DMD: variants seen among roughly 807,000 people sequenced by gnomAD.
The protein encoded by DMD is dystrophin.
DMD carries 63 observed loss-of-function variants against 330.1 expected under a neutral mutation model. The ratio of observed to expected loss-of-function variants is 0.19; its 90% confidence interval spans 0.16 to 0.24. The LOEUF (loss-of-function observed/expected upper bound fraction) is 0.24. Ranked by LOEUF, DMD falls within the 10% of genes least tolerant of loss-of-function variation. The pLI is 1.00. For missense variants in DMD, 3,344 were observed against 2,684.1 expected, an observed-to-expected ratio of 1.25 and a Z score of -5.43; for synonymous variants, 1,223 against 959.8, an observed-to-expected ratio of 1.27 and a Z score of -5.07.
chrX:33,053,545 G>A (rs202184022), intron 1 of DMD, among the ~76,000 whole-genome samples: 3 of 108,731 alleles, frequency 2.8e-5, no homozygotes, highest in African/African-American at 1.0e-4. Flanking sequence ...GCAGTGAGCC[G>A]AGATCACACC....
intron 1 of DMD, among the ~76,000 whole-genome samples, chrX:33,302,729 C>T (rs187447727): frequency 9.0e-6 from 1 of 111,501 alleles, no homozygotes; most frequent in East Asian, 2.8e-4. Flanking sequence ...CATCTCCCAC[C>T]AGACGGGTAC....
At chrX:33,057,427 G>T (rs2094530846) in intron 1 of DMD, among the ~76,000 whole-genome samples, 1 of 111,727 alleles carries the variant, frequency 9.0e-6, no homozygotes, top group Admixed American at 9.6e-5. Flanking sequence ...CTTGGGCTAG[G>T]CAAAGTAAGG....
At chrX:31,180,056 G>A (rs2040992883) in intron 69 of DMD, among the ~76,000 whole-genome samples, 2 of 111,531 alleles carry the variant, frequency 1.8e-5, no homozygotes, top group Middle Eastern at 4.7e-3. Context: ...CCATAAGATC[G>A]CCCCACACAA....
chrX:32,519,475 T>G (rs1031299131), intron 17 of DMD, among the ~76,000 whole-genome samples: 1 of 111,286 alleles, frequency 9.0e-6, no homozygotes, highest in Middle Eastern at 4.3e-3. Flanking sequence ...TATGGCTTGT[T>G]GTTATCTTAG....
intron 61 of DMD, among the ~76,000 whole-genome samples, chrX:31,325,163 C>CCCTTCCTCCTG (rs2056689954): frequency 9.0e-6 from 1 of 111,489 alleles, no homozygotes; most frequent in Non-Finnish European, 1.9e-5. Flanking sequence ...CCTTTCTTTT[C>CCCTTCCTCCTG]CCTTCCTCCT....
At chrX:33,005,067 A>AAATTGGG (rs2093364734) in intron 2 of DMD, among the ~76,000 whole-genome samples, 1 of 110,885 alleles carries the variant, frequency 9.0e-6, no homozygotes, top group South Asian at 3.7e-4. Context: ...TTCTATCTGT[A>AAATTGGG]AATTGGGATC....
In DMD at chrX:31,917,338, C is replaced by T. The variant is rs145200904; in HGVS notation, c.6912+12258G>A. ...CTAATTGATAAACAAGAATTAAGTT[C>T]CTACTGCATACCTGTGTTCACAAAA... is the stretch of plus-strand genomic sequence containing the variant. On this transcript the variant is annotated intron_variant, in intron 47 of 78. Coordinates refer to ENST00000357033, the MANE Select transcript of DMD (RefSeq NM_004006.3). Among the ~76,000 whole-genome samples, 173 of 112,158 alleles carry T rather than the reference C, an allele frequency of 1.5e-3. 3 individuals are homozygous for T. Among genetic ancestry groups the T allele is most frequent in the Admixed American group, 0.015 (159 of 10,580 alleles).
At chrX:31,220,895 G>GT (rs1167304846) in intron 64 of DMD, among the ~76,000 whole-genome samples, 1 of 55,056 alleles carries the variant, frequency 1.8e-5, no homozygotes, top group South Asian at 1.3e-3. Context: ...TTTTTTTTGC[G>GT]ATTTTTTTTT....
At chrX:31,150,846 T>C (rs2037330179) in intron 74 of DMD, among the ~76,000 whole-genome samples, 1 of 112,068 alleles carries the variant, frequency 8.9e-6, no homozygotes, top group African/African-American at 3.2e-5. Flanking sequence ...TTTCTTTGTT[T>C]TGTTTTGCTT....
chrX:33,225,952 C>T (rs768372727), intron 1 of DMD, among the ~76,000 whole-genome samples: 4 of 111,205 alleles, frequency 3.6e-5, no homozygotes, highest in Admixed American at 9.6e-5. Flanking sequence ...ACATAGATGG[C>T]GGATAAGCTT....
chrX:32,423,060 T>C (rs1603633139), intron 29 of DMD, among the ~76,000 whole-genome samples: 1 of 110,766 alleles, frequency 9.0e-6, no homozygotes, highest in African/African-American at 3.3e-5. Context: ...TCTGAAAAGG[T>C]ACATTGATAA....
At chrX:32,489,220 A>G (rs963350969) in intron 20 of DMD, among the ~76,000 whole-genome samples, 3 of 110,872 alleles carry the variant, frequency 2.7e-5, no homozygotes, top group Admixed American at 9.7e-5. Flanking sequence ...ACTTAGTGCT[A>G]TGGGCTGAAT....
At chrX:31,438,060 G>A (rs1009827009) in intron 60 of DMD, among the ~76,000 whole-genome samples, 1 of 109,995 alleles carries the variant, frequency 9.1e-6, no homozygotes, top group Non-Finnish European at 1.9e-5. Flanking sequence ...AGCAAATTGT[G>A]TTTCTGGGGA....
At chrX:33,066,859 A>C (rs1265659078) in intron 1 of DMD, among the ~76,000 whole-genome samples, 3 of 112,178 alleles carry the variant, frequency 2.7e-5, no homozygotes, top group Non-Finnish European at 3.8e-5. Context: ...TAGGCCCCCT[A>C]AAGAATGAAA....
At chrX:31,640,524 C>T (rs1311386054) in intron 54 of DMD, among the ~76,000 whole-genome samples, 2 of 112,360 alleles carry the variant, frequency 1.8e-5, no homozygotes, top group African/African-American at 6.5e-5. Context: ...AATATTTTTA[C>T]AAGTTACTTG....
At chrX:31,874,690 G>T (rs73619012) in intron 48 of DMD, among the ~76,000 whole-genome samples, 2,073 of 110,647 alleles carry the variant, frequency 0.019, 47 homozygotes, top group African/African-American at 0.064. Flanking sequence ...CTGAACCTTC[G>T]CCTGGGCTCA....
chrX:32,887,116 G>C (rs1569539196), intron 2 of DMD, among the ~76,000 whole-genome samples: 1 of 111,716 alleles, frequency 9.0e-6, no homozygotes, highest in Admixed American at 9.5e-5. Context: ...GGGAGGCTGA[G>C]GCGGGCAGAT....
chrX:31,866,193 C>T (rs1488123802), intron 48 of DMD, among the ~76,000 whole-genome samples: 1 of 111,421 alleles, frequency 9.0e-6, no homozygotes, highest in African/African-American at 3.3e-5. Context: ...CTCTTCAAAC[C>T]CGTACCTGCT....
intron 7 of DMD, among the ~76,000 whole-genome samples, chrX:32,766,126 C>T (rs1273188524): frequency 7.2e-5 from 8 of 110,959 alleles, no homozygotes; most frequent in South Asian, 3.8e-4. Flanking sequence ...GAAATCAGGA[C>T]GTATGACCCT....
Sources: gnomAD v4.1 joint callset for allele counts (sites outside exome capture counted in the v4.1 genomes callset) on GRCh38, gnomAD v4.1.1 for gene constraint, MANE v1.5 for transcripts, NCBI Gene and HGNC (gene_info 2026-07-23, HGNC 2026-07-21) for gene names.